The following KLRG2 variants were observed in gnomAD, a reference collection of about 807,000 sequenced individuals.
KLRG2 encodes killer cell lectin like receptor G2, also known as killer cell lectin-like receptor subfamily G member 2.
KLRG2 carries 39 observed loss-of-function variants against 35.4 expected under a neutral mutation model. The observed-to-expected ratio is 1.10, with a 90% CI of 0.85 to 1.44. The LOEUF is 1.44. Ranked by LOEUF, KLRG2 falls within the 40% of genes most tolerant of loss-of-function variation. The pLI, the probability that KLRG2 is intolerant of heterozygous loss-of-function variation, is 0.00. For missense variants in KLRG2, 632 were observed against 570.9 expected (o/e 1.11, Z -1.09); for synonymous variants, 283 against 265.8 (o/e 1.06, Z -0.63).
At chr7:139,473,470 C>A (rs1433359470) in intron 3 of KLRG2, among the ~76,000 whole-genome samples, 1 of 152,020 alleles carries the variant, frequency 6.6e-6, no homozygotes, top group Non-Finnish European at 1.5e-5. Context: ...TCAGCCTCAC[C>A]CTCACCCTCC....
At chr7:139,454,739 C>A (rs1357544843) in intron 3 of KLRG2, among the ~76,000 whole-genome samples, 2 of 151,490 alleles carry the variant, frequency 1.3e-5, no homozygotes, top group Non-Finnish European at 2.9e-5. Context: ...TCGCTTGAGC[C>A]CAGGAGACAG....
At chr7:139,434,099 G>A in the KLRG2 span, among the ~76,000 whole-genome samples, 4 of 152,334 alleles carry the variant, frequency 2.6e-5, no homozygotes, top group Middle Eastern at 3.4e-3. Context: ...GAGCTTGGAA[G>A]TTAAAATAGA....
At position 139,453,213 on chromosome 7, in the gene KLRG2, G is replaced by A. The variant is rs985667068; in HGVS notation, c.*374C>T. The A allele has an allele frequency of 2.3e-5, 9 of 393,616 alleles. No individual in the cohort carries two copies. The highest frequency in any genetic ancestry group is 6.3e-5 in the African/African-American group (3 of 47,756). The allele number at this position is 393,616 out of a possible 1,614,324, so 24.4% of individuals were successfully genotyped here. Reference sequence around the variant, plus strand: ...AACGGCAGACTCATTTCCATGAGCCGGAATGAGAACCCAGATTGGAATCCG... The same window carrying A: ...AACGGCAGACTCATTTCCATGAGCCAGAATGAGAACCCAGATTGGAATCCG... On this transcript the variant is annotated 3_prime_UTR_variant, in exon 5 of 5. Transcript: ENST00000340940.
chr7:139,468,320 C>T (rs528049248), intron 3 of KLRG2, among the ~76,000 whole-genome samples: 94 of 152,272 alleles, frequency 6.2e-4, no homozygotes, highest in Non-Finnish European at 1.2e-3. Context: ...CCAAGTCTCT[C>T]GTTCCACCTA....
intron 3 of KLRG2, among the ~76,000 whole-genome samples, chr7:139,455,253 A>C (rs1300949506): frequency 1.3e-5 from 2 of 151,952 alleles, no homozygotes; most frequent in Non-Finnish European, 2.9e-5. Context: ...TCCTGGCCTC[A>C]AGTGATCTGT....
Position 139,483,005 on chromosome 7 carries a change from G to C in KLRG2, c.638C>G (p.Pro213Arg). 4 of 1,376,544 alleles carry C rather than the reference G, an allele frequency of 2.9e-6. No homozygotes were observed. The highest frequency in any genetic ancestry group is 2.8e-6 in the Non-Finnish European group (3 of 1,073,032). 85.3% of individuals were successfully genotyped at this position (1,376,544 alleles called of 1,614,324 possible). ...GCAGCGGCAGCACGTGGGGGAGCCC[G>C]GGGAGCCGGCGCTTCCTTCCGCGGG... ...ASPAEGSAGSPGSPTCCRCKE... is the reference protein window; with the variant it reads ...ASPAEGSAGSRGSPTCCRCKE... Residue 213 changes from proline to arginine, a missense_variant, in exon 1 of 5, where the codon CCG becomes CGG. By Grantham distance (103) the Pro-to-Arg change is moderately radical. Transcript: ENST00000340940.
intron 3 of KLRG2, among the ~76,000 whole-genome samples, chr7:139,459,307 T>G (rs1186567901): frequency 6.6e-6 from 1 of 152,236 alleles, no homozygotes; most frequent in Non-Finnish European, 1.5e-5. Flanking sequence ...TCAATCTGTC[T>G]GTCTCAGGAC....
rs1051175494 is a variant in KLRG2 at position 139,472,071 on chromosome 7, C to A, written c.1005+7556G>T. Among the ~76,000 whole-genome samples, 4 of 152,184 alleles carry A rather than the reference C, an allele frequency of 2.6e-5. No homozygotes were observed. In the East Asian group the frequency reaches 7.7e-4, roughly 29 times the overall value. The stretch of plus-strand genomic sequence containing the variant: ...TAATCCTTCTGCAATGCATGGCAGG[C>A]ACTTCCAGGAACAATCCCAGAAGAA... On this transcript the variant is annotated intron_variant, in intron 3 of 4. Transcript: ENST00000340940.
intron 3 of KLRG2, among the ~76,000 whole-genome samples, chr7:139,470,166 T>G (rs1569414196): frequency 6.6e-6 from 1 of 151,966 alleles, no homozygotes; most frequent in Non-Finnish European, 1.5e-5. Flanking sequence ...TAAGCGATTC[T>G]CCTGCCCCAG....
chr7:139,428,422 T>A, the KLRG2 span, among the ~76,000 whole-genome samples: 57,907 of 151,446 alleles, frequency 0.38, 15,428 homozygotes, highest in African/African-American at 0.76. Context: ...TTTTAAAAAA[T>A]TTTTTAAATT....
chr7:139,476,496 C>G (rs111779249), intron 3 of KLRG2, among the ~76,000 whole-genome samples: 1 of 151,746 alleles, frequency 6.6e-6, no homozygotes. Flanking sequence ...GGCTGGAGAG[C>G]AGTGGCGCGA....
chr7:139,468,006 T>A (rs1431320325), intron 3 of KLRG2, among the ~76,000 whole-genome samples: 2 of 152,252 alleles, frequency 1.3e-5, no homozygotes, highest in African/African-American at 2.4e-5. Context: ...AGGTGGGACA[T>A]GCGGGCAGCA....
At chr7:139,432,625 G>T in the KLRG2 span, among the ~76,000 whole-genome samples, 1 of 145,436 alleles carries the variant, frequency 6.9e-6, no homozygotes, top group Non-Finnish European at 1.5e-5. Context: ...TCTCGGTTCA[G>T]TGCAGCCTCC....
At chr7:139,470,571 C>T (rs780216844) in intron 3 of KLRG2, among the ~76,000 whole-genome samples, 9 of 152,088 alleles carry the variant, frequency 5.9e-5, no homozygotes, top group African/African-American at 1.9e-4. Flanking sequence ...GTGGGAGGAT[C>T]GCTTGAGGCC....
downstream of KLRG2, among the ~76,000 whole-genome samples, chr7:139,449,801 G>A (rs1486460177): frequency 4.2e-5 from 6 of 142,576 alleles, no homozygotes; most frequent in South Asian, 9.5e-4. Flanking sequence ...CCAGGTTCAC[G>A]CCATTCTCCT....
chr7:139,437,041 C>G, the KLRG2 span, among the ~76,000 whole-genome samples: 1 of 152,164 alleles, frequency 6.6e-6, no homozygotes, highest in African/African-American at 2.4e-5. Context: ...AACTTAACAC[C>G]CTGTGAAGTG....
the KLRG2 span, among the ~76,000 whole-genome samples, chr7:139,438,645 A>G: frequency 6.6e-6 from 1 of 151,496 alleles, no homozygotes; most frequent in Non-Finnish European, 1.5e-5. Context: ...GAAATAGAAC[A>G]TGATACACCT....
chr7:139,430,444 C>T, the KLRG2 span, among the ~76,000 whole-genome samples: 3 of 152,010 alleles, frequency 2.0e-5, no homozygotes, highest in Non-Finnish European at 2.9e-5. Flanking sequence ...ATTACACATC[C>T]ACTAGAATGA....
At chr7:139,465,859 CCTT>C (rs1796645473) in intron 3 of KLRG2, among the ~76,000 whole-genome samples, 1 of 152,002 alleles carries the variant, frequency 6.6e-6, no homozygotes, top group African/African-American at 2.4e-5. Flanking sequence ...CAGTTTTTCT[CCTT>C]CTCATCTGGC....
Sources: allele counts gnomAD v4.1 joint callset (sites outside exome capture counted in the v4.1 genomes callset), GRCh38; gene constraint gnomAD v4.1.1; transcripts MANE v1.5; gene names NCBI Gene and HGNC (gene_info 2026-07-23, HGNC 2026-07-21).